Variants in IL17RD observed in about 807,000 individuals in gnomAD.
IL17RD encodes the protein interleukin-17 receptor D.
A neutral mutation model predicts 80.5 loss-of-function variants in IL17RD; 52 were observed. That is an observed-to-expected ratio of 0.65 (90% CI 0.52 to 0.81). The LOEUF is 0.81. Among genes scored for constraint, IL17RD ranks in the 40% least tolerant of loss-of-function variants. IL17RD has a pLI of 0.00. For synonymous variants in IL17RD, 416 were observed against 391.8 expected (o/e 1.06, Z -0.73); for missense variants, 1,024 against 955.1 (o/e 1.07, Z -0.95).
chr3:57,146,986 C>T (rs1707944946), intron 1 of IL17RD, among the ~76,000 whole-genome samples: 1 of 133,970 alleles, frequency 7.5e-6, no homozygotes, highest in South Asian at 2.4e-4. Flanking sequence ...CCATGCCCGG[C>T]TAATTTTTTT....
intron 5 of IL17RD, among the ~76,000 whole-genome samples, chr3:57,106,727 G>A (rs151082688): frequency 2.0e-5 from 3 of 152,258 alleles, no homozygotes; most frequent in African/African-American, 7.2e-5. Context: ...GAATCTAAAC[G>A]CAATAAAAAC....
chr3:57,146,012 TGCGCGCACACACACACTCACGCGCGCGC>T (rs1170658515), intron 1 of IL17RD, among the ~76,000 whole-genome samples: 10 of 148,756 alleles, frequency 6.7e-5, no homozygotes, highest in Admixed American at 1.4e-4. Flanking sequence ...GGGGAAAGCG[TGCGCGCACACACACACTCACGCGCGCGC>T]GCGCGCACAC....
chr3:57,143,875 C>G (rs952338949), intron 1 of IL17RD, among the ~76,000 whole-genome samples: 1 of 152,148 alleles, frequency 6.6e-6, no homozygotes, highest in Non-Finnish European at 1.5e-5. Context: ...TAGAACACAG[C>G]GTTACAACTC....
Position 57,104,355 on chromosome 3 carries a change from T to A in IL17RD, c.800A>T (p.Asp267Val), listed in dbSNP as rs560183234. 1.2e-6 allele frequency: 2 copies of A among 1,606,684 alleles called. No individual in the cohort carries two copies. Among genetic ancestry groups the A allele is most frequent in the East Asian group, 2.2e-5 (1 of 44,854 alleles). ...TGTTATGCATACCTCAATTATATAA[T>A]CCCCTGGAGAAACATTTTGAAGGAG... ...SCLLQNVSPG[D>V]YIIELVDDTN... The change falls in exon 8 of 13, where the codon GAT becomes GTT. Residue 267 changes from aspartate (D) to valine (V), a missense_variant. By Grantham distance (152) the Asp-to-Val change is radical. Transcript: ENST00000296318.
At chr3:57,142,593 T>A in intron 1 of IL17RD, 2 of 847,096 alleles carry the variant, frequency 2.4e-6, no homozygotes, top group Non-Finnish European at 3.3e-6. Flanking sequence ...TGTGTTGGTG[T>A]CGCCAACCTG....
intron 1 of IL17RD, among the ~76,000 whole-genome samples, chr3:57,136,654 A>C (rs1289643031): frequency 6.6e-6 from 1 of 151,438 alleles, no homozygotes; most frequent in Non-Finnish European, 1.5e-5. Flanking sequence ...AAAAAAAAAA[A>C]AAAAAAAAAA....
rs767731670 is a variant in IL17RD at position 57,098,074 on chromosome 3, G to A, written c.1629C>T (p.Tyr543=). ...YFRSKSGRSL[Y]VAICNMHQFI... ...ACTGGTGCATGTTGCAAATGGCGAC[G>A]TATAGGGACCGGCCTGACTTGCTCC... Residue 543 remains tyrosine, a synonymous_variant, in exon 12 of 13, where the codon TAC becomes TAT. Coordinates refer to ENST00000296318, the MANE Select transcript of IL17RD (RefSeq NM_017563.5). 3 of 1,613,868 alleles carry A rather than the reference G, an allele frequency of 1.9e-6. No homozygotes were observed. Among genetic ancestry groups the A allele is most frequent in the Admixed American group, 1.7e-5 (1 of 60,002 alleles).
chr3:57,158,354 A>G (rs1170572103), intron 1 of IL17RD, among the ~76,000 whole-genome samples: 2 of 152,262 alleles, frequency 1.3e-5, no homozygotes, highest in Non-Finnish European at 2.9e-5. Flanking sequence ...ATATGCAAAT[A>G]AGACATTTTA....
chr3:57,160,694 A>T (rs2060298079), intron 1 of IL17RD, among the ~76,000 whole-genome samples: 1 of 151,992 alleles, frequency 6.6e-6, no homozygotes, highest in African/African-American at 2.4e-5. Flanking sequence ...TTAAAGCCAA[A>T]CTCTGATTTT....
chr3:57,133,153 T>C (rs546408914), intron 1 of IL17RD, among the ~76,000 whole-genome samples: 7 of 152,256 alleles, frequency 4.6e-5, no homozygotes, highest in Non-Finnish European at 8.8e-5. Flanking sequence ...CAAGTTTATT[T>C]TGATGAATGT....
intron 1 of IL17RD, among the ~76,000 whole-genome samples, chr3:57,127,195 TATAAATATATATAAAA>T (rs1159126072): frequency 8.3e-6 from 1 of 120,016 alleles, no homozygotes; most frequent in East Asian, 2.1e-4. Flanking sequence ...TATATATATA[TATAAATATATATAAAA>T]ATATATATAA....
chr3:57,122,205 C>T (rs144870363), intron 1 of IL17RD, among the ~76,000 whole-genome samples: 3 of 152,326 alleles, frequency 2.0e-5, no homozygotes, highest in Non-Finnish European at 4.4e-5. Context: ...GGTAAGATAA[C>T]AGATTCCAGA....
intron 12 of IL17RD, among the ~76,000 whole-genome samples, chr3:57,097,043 C>T (rs941506083): frequency 2.5e-4 from 38 of 151,154 alleles, no homozygotes; most frequent in African/African-American, 9.0e-4. Context: ...GTATGCATGA[C>T]TCCAACTAGT....
intron 1 of IL17RD, 158 bp downstream of exon 1, chr3:57,165,003 G>A (rs2060337159): frequency 2.2e-6 from 3 of 1,338,426 alleles, no homozygotes; most frequent in Non-Finnish European, 2.9e-6. Flanking sequence ...TCCGGGGAGG[G>A]AAACCAGGAG....
intron 1 of IL17RD, among the ~76,000 whole-genome samples, chr3:57,136,146 A>G (rs554797600): frequency 6.6e-6 from 1 of 152,338 alleles, no homozygotes; most frequent in South Asian, 2.1e-4. Flanking sequence ...CTCCAGCACA[A>G]CAATCACATT....
Position 57,104,381 on chromosome 3 carries a change from G to A in IL17RD, c.774C>T (p.Cys258=), listed in dbSNP as rs765878403. ...KQEQTTETTS[C]LLQNVSPGDY... Reference sequence around the variant, plus strand: ...CCCCTGGAGAAACATTTTGAAGGAGGCAGCTGGTCGTCTCTGTAGTTTGCT... The same window carrying A: ...CCCCTGGAGAAACATTTTGAAGGAGACAGCTGGTCGTCTCTGTAGTTTGCT... The change falls in exon 8 of 13, where the codon TGC becomes TGT. Residue 258 remains cysteine, a synonymous_variant. Coordinates refer to ENST00000296318, the MANE Select transcript of IL17RD (RefSeq NM_017563.5). 2.5e-6 allele frequency: 4 copies of A among 1,610,422 alleles called. No individual in the cohort carries two copies. In the South Asian group the frequency reaches 3.3e-5, roughly 13 times the overall value.
intron 1 of IL17RD, among the ~76,000 whole-genome samples, chr3:57,140,458 G>A (rs928900818): frequency 2.0e-5 from 3 of 152,116 alleles, no homozygotes; most frequent in Non-Finnish European, 2.9e-5. Flanking sequence ...CAAAGTTATC[G>A]AATTAGATTT....
intron 1 of IL17RD, among the ~76,000 whole-genome samples, chr3:57,124,155 A>C (rs1707398653): frequency 6.6e-6 from 1 of 152,122 alleles, no homozygotes; most frequent in Non-Finnish European, 1.5e-5. Context: ...TCAACGCCCA[A>C]ATAATACTTC....
chr3:57,096,485 G>T lies in IL17RD; in HGVS notation c.2128C>A (p.Leu710Ile), dbSNP rs757905676. The T allele has an allele frequency of 2.5e-6, 4 of 1,613,238 alleles. No individual in the cohort carries two copies. The Admixed American group carries it at 6.7e-5, about 27-fold the overall frequency. ...CCAGAAGAGAGGAGCTTGGAAGGAAGGGCAGGAGGTTCCTCCTCACCTAAG... is the reference window on the plus strand; with the variant it reads ...CCAGAAGAGAGGAGCTTGGAAGGAATGGCAGGAGGTTCCTCCTCACCTAAG... ...SGLGEEEPPA[L>I]PSKLLSSGSC... Residue 710 changes from leucine to isoleucine, a missense_variant, in exon 13 of 13, where the codon CTT becomes ATT. Coordinates refer to ENST00000296318, the MANE Select transcript of IL17RD (RefSeq NM_017563.5).
Sources: gnomAD v4.1 joint callset for allele counts (sites outside exome capture counted in the v4.1 genomes callset) on GRCh38, gnomAD v4.1.1 for gene constraint, MANE v1.5 for transcripts, NCBI Gene and HGNC (gene_info 2026-07-23, HGNC 2026-07-21) for gene names.